The following MDFIC2 variants were observed in gnomAD, a reference collection of about 807,000 sequenced individuals.
MDFIC2 encodes myoD family inhibitor domain-containing protein 2.
At chr3:70,200,865 C>T (rs1228881749) in intron 3 of MDFIC2, among the ~76,000 whole-genome samples, 3 of 150,842 alleles carry the variant, frequency 2.0e-5, no homozygotes, top group African/African-American at 7.3e-5. Context: ...AGATTCAAAT[C>T]TAAGTCTTTC....
chr3:70,207,880 C>T (rs1471356605), intron 2 of MDFIC2, among the ~76,000 whole-genome samples: 1 of 152,006 alleles, frequency 6.6e-6, no homozygotes, highest in Non-Finnish European at 1.5e-5. Flanking sequence ...TGAGGGACAA[C>T]TGTATGCATT....
chr3:70,311,993 G>C lies in MDFIC2; in HGVS notation c.1-20C>G, dbSNP rs1348559541. 5.0e-6 allele frequency: 2 copies of C among 397,398 alleles called. No individual in the cohort carries two copies. Among genetic ancestry groups the C allele is most frequent in the Non-Finnish European group, 8.9e-6 (2 of 225,444 alleles). The allele number at this position is 397,398 out of a possible 1,614,324, so 24.6% of individuals were successfully genotyped here. A position where few individuals can be genotyped will look rare whatever the true frequency, so the allele number is the denominator to read the frequency against. On this transcript the variant is annotated intron_variant, in intron 1 of 3. Transcript: ENST00000567252. ...TGACATCTAAGTGGAAACAGAATTT[G>C]TGATATAAAAAATTCATTAAGAACC...
chr3:70,288,992 A>T (rs1702198200), intron 2 of MDFIC2, among the ~76,000 whole-genome samples: 1 of 152,092 alleles, frequency 6.6e-6, no homozygotes, highest in Non-Finnish European at 1.5e-5. Context: ...CAGCACACTG[A>T]TGGGTCTTAA....
chr3:70,279,756 T>C (rs1350243876), intron 2 of MDFIC2, among the ~76,000 whole-genome samples: 2 of 152,204 alleles, frequency 1.3e-5, no homozygotes, highest in African/African-American at 4.8e-5. Context: ...ATGGCATAAA[T>C]GCCATCCCTC....
intron 2 of MDFIC2, among the ~76,000 whole-genome samples, chr3:70,231,967 G>A (rs1701563813): frequency 6.6e-6 from 1 of 152,062 alleles, no homozygotes; most frequent in South Asian, 2.1e-4. Context: ...GTTCAGTGTT[G>A]GGAGCCCCCA....
intron 2 of MDFIC2, among the ~76,000 whole-genome samples, chr3:70,237,979 C>CTTTTTTTTTTTTTT (rs71672662): frequency 0.011 from 546 of 48,938 alleles, 190 homozygotes; most frequent in African/African-American, 0.034. Context: ...TGAGTGGTAT[C>CTTTTTTTTTTTTTT]TTTTTTTTTT....
At chr3:70,281,684 A>G (rs939864) in intron 2 of MDFIC2, among the ~76,000 whole-genome samples, 31,579 of 152,052 alleles carry the variant, frequency 0.21, 3,486 homozygotes, top group South Asian at 0.28. Flanking sequence ...AGGAATCCTC[A>G]CCATCATTGC....
chr3:70,249,259 C>T (rs922366251), intron 2 of MDFIC2: 1 of 152,094 alleles, frequency 6.6e-6, no homozygotes, highest in African/African-American at 2.4e-5. Context: ...AGGGACAGAA[C>T]TGGATTCATT....
rs117253279 is a variant in MDFIC2 at position 70,228,580 on chromosome 3, A to G, written c.89-21790T>C. On this transcript the variant is annotated intron_variant, in intron 2 of 3. Coordinates refer to ENST00000567252, the MANE Select transcript of MDFIC2 (RefSeq NM_001364677.1). Reference sequence around the variant, plus strand: ...TCTAGATTAAGTAAATGAAAGGAAAATATTTCAGAGTCGACTTACTGGAAC... The same window carrying G: ...TCTAGATTAAGTAAATGAAAGGAAAGTATTTCAGAGTCGACTTACTGGAAC... Among the ~76,000 whole-genome samples the G allele has an allele frequency of 7.9e-4, 118 of 150,194 alleles. 2 individuals are homozygous for G. In the East Asian group the frequency reaches 0.022, roughly 28 times the overall value.
intron 2 of MDFIC2, among the ~76,000 whole-genome samples, chr3:70,234,603 G>A (rs1701590298): frequency 6.6e-6 from 1 of 150,672 alleles, no homozygotes; most frequent in Non-Finnish European, 1.5e-5. Flanking sequence ...CTATGCCACT[G>A]TACTCCAGCC....
chr3:70,228,092 T>TA (rs1165078906), intron 2 of MDFIC2, among the ~76,000 whole-genome samples: 1 of 151,936 alleles, frequency 6.6e-6, no homozygotes, highest in Non-Finnish European at 1.5e-5. Flanking sequence ...CTACTACTGT[T>TA]AAAATAACAT....
rs527486892 is a variant in MDFIC2 at position 70,225,425 on chromosome 3, CT to C, written c.89-18636del. Among the ~76,000 whole-genome samples, 1,438 of 152,250 alleles carry C rather than the reference CT, an allele frequency of 9.4e-3. 22 individuals are homozygous for C. The highest frequency in any genetic ancestry group is 0.033 in the African/African-American group (1,355 of 41,546). On this transcript the variant is annotated intron_variant, in intron 2 of 3. Transcript: ENST00000567252. Reference sequence around the variant, plus strand: ...ACAATGCTTTATTATTCACATTGATCTTTTTTTATAGTGTTCTTTATCTCAA... The same window carrying C: ...ACAATGCTTTATTATTCACATTGATCTTTTTTATAGTGTTCTTTATCTCAA...
chr3:70,289,888 C>T (rs1468099636), intron 2 of MDFIC2, among the ~76,000 whole-genome samples: 2 of 151,440 alleles, frequency 1.3e-5, no homozygotes, highest in Non-Finnish European at 2.9e-5. Context: ...ACGTAGTTCT[C>T]GAGCCTTGGT....
At chr3:70,221,486 T>A (rs1462263803) in intron 2 of MDFIC2, among the ~76,000 whole-genome samples, 5 of 152,084 alleles carry the variant, frequency 3.3e-5, no homozygotes. Context: ...CCTTTCCTCT[T>A]AACCACCGTG....
chr3:70,307,006 AATAGAGAG>A (rs1272997927), intron 2 of MDFIC2, among the ~76,000 whole-genome samples: 1 of 152,112 alleles, frequency 6.6e-6, no homozygotes, highest in African/African-American at 2.4e-5. Flanking sequence ...GAGAGAGACA[AATAGAGAG>A]ATAGAGAGAA....
chr3:70,202,676 G>A (rs1047536633), intron 3 of MDFIC2, among the ~76,000 whole-genome samples: 2 of 152,070 alleles, frequency 1.3e-5, no homozygotes, highest in African/African-American at 4.8e-5. Flanking sequence ...TTTGCTGGGA[G>A]CAAAAAGCCA....
chr3:70,215,870 A>T (rs1701402900), intron 2 of MDFIC2, among the ~76,000 whole-genome samples: 1 of 152,124 alleles, frequency 6.6e-6, no homozygotes, highest in Non-Finnish European at 1.5e-5. Flanking sequence ...AGGTTTTCTG[A>T]GTACATCCCA....
intron 2 of MDFIC2, among the ~76,000 whole-genome samples, chr3:70,224,186 C>A (rs1460696771): frequency 6.6e-6 from 1 of 152,054 alleles, no homozygotes; most frequent in Non-Finnish European, 1.5e-5. Context: ...TGGTAAATAG[C>A]CAAAATATAT....
chr3:70,308,876 C>T (rs1046402088), intron 2 of MDFIC2, among the ~76,000 whole-genome samples: 36 of 152,212 alleles, frequency 2.4e-4, no homozygotes, highest in African/African-American at 8.7e-4. Context: ...TGCTTTGTGT[C>T]AGTGACTCCA....
Sources: gnomAD v4.1 joint callset for allele counts (sites outside exome capture counted in the v4.1 genomes callset) on GRCh38, gnomAD v4.1.1 for gene constraint, MANE v1.5 for transcripts, NCBI Gene and HGNC (gene_info 2026-07-23, HGNC 2026-07-21) for gene names.